STOX2: variants seen among roughly 807,000 people sequenced by gnomAD.
STOX2 encodes the protein storkhead-box protein 2.
A neutral mutation model predicts 60.9 loss-of-function variants in STOX2; 28 were observed. The ratio of observed to expected loss-of-function variants is 0.46; its 90% CI spans 0.34 to 0.63. The LOEUF (loss-of-function observed/expected upper bound fraction) is 0.63. Among genes scored for constraint, STOX2 ranks in the 30% least tolerant of loss-of-function variants. The probability of loss-of-function intolerance (pLI) is 0.01; values close to 1 mark genes in which losing one functional copy is unlikely to be tolerated. For missense variants in STOX2, 1,024 were observed against 1,187.7 expected, an observed-to-expected ratio of 0.86 and a Z score of 2.03; for synonymous variants, 472 against 463.9, an observed-to-expected ratio of 1.02 and a Z score of -0.22.
chr4:183,892,444 A>C (rs1741243647), intron 1 of STOX2, among the ~76,000 whole-genome samples: 2 of 151,158 alleles, frequency 1.3e-5, no homozygotes, highest in Admixed American at 1.3e-4. Flanking sequence ...ACGCCCGGCT[A>C]ATTTTTTTTG....
chr4:183,812,423 T>TAAATC (rs1739056095), intron 1 of STOX2, among the ~76,000 whole-genome samples: 1 of 152,236 alleles, frequency 6.6e-6, no homozygotes, highest in Non-Finnish European at 1.5e-5. Flanking sequence ...TCTATGCAAT[T>TAAATC]TAAGGGTTTT....
chr4:183,934,631 C>A (rs1020109257), intron 1 of STOX2, among the ~76,000 whole-genome samples: 22 of 152,136 alleles, frequency 1.4e-4, no homozygotes, highest in Non-Finnish European at 7.3e-5. Flanking sequence ...TTTAGAGCAG[C>A]AGTTCTTGGC....
Position 183,991,539 on chromosome 4 carries a change from C to T in STOX2, c.167-9786C>T, listed in dbSNP as rs544674959. ...GCCTCCTGGGTTCAAGTGATTCTCC[C>T]GCCTCAGCCACCCGAGTAGCTGGGA... On this transcript the variant is annotated intron_variant, in intron 1 of 3. Coordinates refer to ENST00000308497, the MANE Select transcript of STOX2 (RefSeq NM_020225.3). 1.0e-3 allele frequency among the ~76,000 whole-genome samples: 159 copies of T among 151,876 alleles called. 1 individual carries two copies. The highest frequency in any genetic ancestry group is 3.5e-3 in the African/African-American group (146 of 41,428).
chr4:183,897,449 C>T (rs972253778), intron 1 of STOX2, among the ~76,000 whole-genome samples: 1 of 152,078 alleles, frequency 6.6e-6, no homozygotes, highest in Admixed American at 6.5e-5. Context: ...GTTGTACATG[C>T]TAATTGTCAA....
intron 1 of STOX2, among the ~76,000 whole-genome samples, chr4:183,970,942 A>ACT (rs1743724759): frequency 6.6e-6 from 1 of 152,214 alleles, no homozygotes; most frequent in Non-Finnish European, 1.5e-5. Context: ...ACATACTAAT[A>ACT]TATATGATAT....
chr4:183,869,399 A>C (rs1372780029), intron 1 of STOX2, among the ~76,000 whole-genome samples: 2 of 152,180 alleles, frequency 1.3e-5, no homozygotes, highest in African/African-American at 4.8e-5. Flanking sequence ...TTTTTAATAT[A>C]AGCATGGGAA....
intron 1 of STOX2, among the ~76,000 whole-genome samples, chr4:183,873,446 CA>C (rs11453864): frequency 0.018 from 2,040 of 112,198 alleles, 41 homozygotes; most frequent in African/African-American, 0.063. Flanking sequence ...AACTCTGTCT[CA>C]AAAAAAAAAA....
chr4:183,933,385 T>C (rs1272357749), intron 1 of STOX2, among the ~76,000 whole-genome samples: 2 of 84,966 alleles, frequency 2.4e-5, no homozygotes, highest in African/African-American at 2.6e-4. Flanking sequence ...CCAGAAGTTG[T>C]TGTTGTTGTT....
upstream of STOX2, among the ~76,000 whole-genome samples, chr4:183,901,631 T>C (rs1741463640): frequency 6.6e-6 from 1 of 151,110 alleles, no homozygotes; most frequent in South Asian, 2.1e-4. Flanking sequence ...GCCGTCCTAA[T>C]GGGTGTGAGT....
intron 1 of STOX2, among the ~76,000 whole-genome samples, chr4:183,807,983 G>T (rs945510450): frequency 1.3e-5 from 2 of 152,226 alleles, no homozygotes; most frequent in African/African-American, 2.4e-5. Context: ...TTTCGCCAAG[G>T]CCAGGAGGAG....
chr4:183,861,986 C>A (rs1740458946), intron 1 of STOX2, among the ~76,000 whole-genome samples: 1 of 152,114 alleles, frequency 6.6e-6, no homozygotes, highest in Admixed American at 6.5e-5. Context: ...TCCCTTCTTA[C>A]CGAATGTAGC....
At chr4:183,878,519 G>C (rs1266154207) in intron 1 of STOX2, among the ~76,000 whole-genome samples, 1 of 152,164 alleles carries the variant, frequency 6.6e-6, no homozygotes, top group African/African-American at 2.4e-5. Context: ...TTTTGATTTG[G>C]AATTAGAATT....
At chr4:183,844,927 A>C (rs1167219244) in intron 1 of STOX2, among the ~76,000 whole-genome samples, 1 of 152,198 alleles carries the variant, frequency 6.6e-6, no homozygotes, top group African/African-American at 2.4e-5. Context: ...TACAAATGAC[A>C]TCATTACATC....
chr4:183,949,426 G>A (rs759116226), intron 1 of STOX2, among the ~76,000 whole-genome samples: 29 of 152,236 alleles, frequency 1.9e-4, no homozygotes, highest in Admixed American at 1.3e-3. Context: ...TAGGCCAGGC[G>A]TGGTGGCTCA....
chr4:183,966,280 C>T (rs989917479), intron 1 of STOX2, among the ~76,000 whole-genome samples: 13 of 152,142 alleles, frequency 8.5e-5, no homozygotes, highest in Admixed American at 2.0e-4. Context: ...CTCTTTTAGA[C>T]GCCAGCAGAG....
At chr4:183,942,722 C>A (rs77587483) in intron 1 of STOX2, among the ~76,000 whole-genome samples, 2,120 of 152,200 alleles carry the variant, frequency 0.014, 58 homozygotes, top group African/African-American at 0.048. Context: ...CAGACAGGAA[C>A]TGCAAATCTG....
chr4:183,900,132 C>T (rs982298837), intron 1 of STOX2, among the ~76,000 whole-genome samples: 5 of 152,170 alleles, frequency 3.3e-5, no homozygotes, highest in African/African-American at 4.8e-5. Context: ...ACTGTTGAGA[C>T]CTGCTGCTCA....
In STOX2 at chr4:183,934,888, C is replaced by T. The variant is rs151071242; in HGVS notation, c.166+27932C>T. On this transcript the variant is annotated intron_variant, in intron 1 of 3. Coordinates refer to ENST00000308497, the MANE Select transcript of STOX2 (RefSeq NM_020225.3). ...AAATGCAGGAAGCTGCCAGCTGCTT[C>T]GCCTCTTGGGGGTATCGCTATGAAC... Among the ~76,000 whole-genome samples the T allele has an allele frequency of 4.7e-3, 716 of 152,350 alleles. 2 individuals are homozygous for T. Among genetic ancestry groups the T allele is most frequent in the Non-Finnish European group, 7.8e-3 (530 of 68,034 alleles).
At chr4:183,868,064 C>A (rs1219240739) in intron 1 of STOX2, among the ~76,000 whole-genome samples, 2 of 151,628 alleles carry the variant, frequency 1.3e-5, no homozygotes, top group African/African-American at 4.8e-5. Flanking sequence ...GGGGCTTGAC[C>A]ACTTGCTCAG....
Sources: allele counts gnomAD v4.1 joint callset (sites outside exome capture counted in the v4.1 genomes callset), GRCh38; gene constraint gnomAD v4.1.1; transcripts MANE v1.5; gene names NCBI Gene and HGNC (gene_info 2026-07-23, HGNC 2026-07-21).